The following CFAP300 variants were observed in gnomAD, a reference collection of about 807,000 sequenced individuals.
CFAP300 encodes the protein cilia- and flagella-associated protein 300.
In CFAP300, 32 loss-of-function variants were observed where a neutral mutation model predicts 33.0. The observed-to-expected ratio is 0.97, with a 90% CI of 0.73 to 1.30. The LOEUF (loss-of-function observed/expected upper bound fraction) is 1.30, where lower values mean the gene tolerates loss of function less well. Ranked by LOEUF, CFAP300 falls within the 50% of genes most tolerant of loss-of-function variation. CFAP300 has a pLI of 0.00. For missense variants in CFAP300, 356 were observed against 318.1 expected, an observed-to-expected ratio of 1.12 and a Z score of -0.90; for synonymous variants, 102 against 106.8, an observed-to-expected ratio of 0.95 and a Z score of 0.28.
chr11:102,047,661 G>A (rs929039189), intron 1 of CFAP300, 81 bp downstream of exon 1: 6 of 1,460,898 alleles, frequency 4.1e-6, no homozygotes, highest in Non-Finnish European at 5.5e-6. Context: ...CGAGGGGCCC[G>A]CGCGGGTCGG....
chr11:102,056,715 C>T (rs1478308127), intron 2 of CFAP300, among the ~76,000 whole-genome samples: 1 of 152,048 alleles, frequency 6.6e-6, no homozygotes, highest in African/African-American at 2.4e-5. Context: ...CCTCCACCTC[C>T]CAGGTTCAAG....
intron 4 of CFAP300, among the ~76,000 whole-genome samples, chr11:102,069,749 G>A (rs1222085637): frequency 6.6e-6 from 1 of 152,128 alleles, no homozygotes; most frequent in Non-Finnish European, 1.5e-5. Flanking sequence ...GTTGCAATAA[G>A]CTGAGATTGC....
intron 4 of CFAP300, among the ~76,000 whole-genome samples, chr11:102,072,087 G>A (rs1316952975): frequency 6.6e-6 from 1 of 151,680 alleles, no homozygotes; most frequent in East Asian, 1.9e-4. Flanking sequence ...TATGCCTTTG[G>A]GCTTCTCTTC....
intron 2 of CFAP300, among the ~76,000 whole-genome samples, chr11:102,052,295 C>A (rs1350927097): frequency 1.3e-5 from 2 of 152,086 alleles, no homozygotes; most frequent in Admixed American, 1.3e-4. Context: ...TTAAGAGATT[C>A]TTTCAGAAGG....
chr11:102,055,097 T>C (rs879907213), intron 2 of CFAP300, among the ~76,000 whole-genome samples: 18 of 151,248 alleles, frequency 1.2e-4, no homozygotes, highest in Admixed American at 9.9e-4. Context: ...TCTCCTGCCT[T>C]AGCCTCCTGA....
rs1942389261 is a variant in CFAP300 at position 102,075,963 on chromosome 11, C to G, written c.526C>G (p.Leu176Val). 1.9e-6 allele frequency: 3 copies of G among 1,613,868 alleles called. No individual in the cohort carries two copies. The South Asian group carries it at 3.3e-5, about 18-fold the overall frequency. The change falls in exon 5 of 7, where the codon CTT (leucine) becomes GTT (valine). Residue 176 changes from leucine (L) to valine (V), a missense_variant. By Grantham distance (32) the Leu-to-Val change is conservative. Coordinates refer to ENST00000434758, the MANE Select transcript of CFAP300 (RefSeq NM_032930.3). Reference protein sequence around the residue: ...FLFCLFKHLCLGGALCQYEDV... With the variant: ...FLFCLFKHLCVGGALCQYEDV... ...GTTTTGTCTTTTCAAACATCTTTGCCTTGGTGGAGCCCTTTGTCAATATGA... is the reference window on the plus strand; with the variant it reads ...GTTTTGTCTTTTCAAACATCTTTGCGTTGGTGGAGCCCTTTGTCAATATGA...
At chr11:102,064,786 T>G (rs1347543967) in intron 3 of CFAP300, among the ~76,000 whole-genome samples, 3 of 152,148 alleles carry the variant, frequency 2.0e-5, no homozygotes, top group South Asian at 4.2e-4. Flanking sequence ...TGTGTCTACA[T>G]AGAGACTGAT....
chr11:102,075,653 C>CT (rs1942384689), intron 4 of CFAP300, among the ~76,000 whole-genome samples: 1 of 152,120 alleles, frequency 6.6e-6, no homozygotes, highest in African/African-American at 2.4e-5. Flanking sequence ...GACTTAGCCA[C>CT]TGTGTTTTAA....
intron 5 of CFAP300, among the ~76,000 whole-genome samples, chr11:102,078,371 T>C (rs538944322): frequency 4.1e-4 from 62 of 152,356 alleles, no homozygotes; most frequent in Non-Finnish European, 7.8e-4. Context: ...GTGGAAATTA[T>C]GTTTCTTTAT....
chr11:102,074,996 C>T (rs1173357947), intron 4 of CFAP300, among the ~76,000 whole-genome samples: 2 of 152,070 alleles, frequency 1.3e-5, no homozygotes, highest in Non-Finnish European at 2.9e-5. Context: ...CACAAACCAC[C>T]ATGCCCAGCC....
chr11:102,051,750 TG>T (rs1941974847), intron 2 of CFAP300, among the ~76,000 whole-genome samples: 1 of 152,226 alleles, frequency 6.6e-6, no homozygotes, highest in Non-Finnish European at 1.5e-5. Context: ...GGTCTCACTA[TG>T]TTGCCCGGGC....
intron 2 of CFAP300, among the ~76,000 whole-genome samples, chr11:102,052,673 T>C (rs1200735836): frequency 5.3e-5 from 8 of 152,156 alleles, no homozygotes; most frequent in African/African-American, 1.9e-4. Context: ...TATTAAATGG[T>C]TTTTCATGAA....
chr11:102,074,707 A>T (rs1942370928), intron 4 of CFAP300, among the ~76,000 whole-genome samples: 1 of 148,296 alleles, frequency 6.7e-6, no homozygotes. Flanking sequence ...ACTTTTAGTT[A>T]TTTCACATTC....
At chr11:102,082,220 C>CA (rs201609900) in intron 6 of CFAP300, among the ~76,000 whole-genome samples, 1,834 of 151,624 alleles carry the variant, frequency 0.012, 42 homozygotes, top group African/African-American at 0.042. Flanking sequence ...ACAAAAAATA[C>CA]AAAAAATTAG....
chr11:102,065,358 G>A (rs181758629), intron 3 of CFAP300, among the ~76,000 whole-genome samples: 98 of 151,914 alleles, frequency 6.5e-4, no homozygotes, highest in African/African-American at 2.2e-3. Context: ...CACCTGCCTC[G>A]GCTGTCCATA....
intron 5 of CFAP300, among the ~76,000 whole-genome samples, chr11:102,077,811 GT>G (rs1942418598): frequency 6.6e-6 from 1 of 152,240 alleles, no homozygotes; most frequent in Admixed American, 6.5e-5. Context: ...CTGACCTCGG[GT>G]GATCTGCCCG....
In CFAP300 at chr11:102,074,717, CT is replaced by C. The variant is rs550128294; in HGVS notation, c.436-1143del. Among the ~76,000 whole-genome samples, 157 of 143,008 alleles carry C rather than the reference CT, an allele frequency of 1.1e-3. 1 individual carries two copies. Among genetic ancestry groups the C allele is most frequent in the South Asian group, 4.5e-3 (20 of 4,470 alleles). 93.8% of individuals were successfully genotyped at this position (143,008 alleles called of 152,430 possible). ...ATTTTACTTTTAGTTATTTCACATT[CT>C]TTTTTTTTTTTTCCTCTGTCACCCA... On this transcript the variant is annotated intron_variant, in intron 4 of 6. Transcript: ENST00000434758.
chr11:102,069,611 T>C (rs1465446566), intron 4 of CFAP300, among the ~76,000 whole-genome samples: 1 of 152,090 alleles, frequency 6.6e-6, no homozygotes, highest in Admixed American at 6.6e-5. Context: ...AAGACTAGCC[T>C]GGCCAACATG....
chr11:102,056,510 T>C (rs1459153955), intron 2 of CFAP300, among the ~76,000 whole-genome samples: 1 of 152,144 alleles, frequency 6.6e-6, no homozygotes, highest in Non-Finnish European at 1.5e-5. Context: ...ATAAAAGTGG[T>C]ATCTTCTGGA....
Sources: allele counts gnomAD v4.1 joint callset (sites outside exome capture counted in the v4.1 genomes callset), GRCh38; gene constraint gnomAD v4.1.1; transcripts MANE v1.5; gene names NCBI Gene and HGNC (gene_info 2026-07-23, HGNC 2026-07-21).